The following SNX29 variants were observed in gnomAD, a reference collection of about 807,000 sequenced individuals.
The protein encoded by SNX29 is sorting nexin 29, also known as sorting nexin-29.
SNX29 carries 78 observed loss-of-function variants against 102.1 expected under a neutral mutation model. That is an observed-to-expected ratio of 0.76 (90% CI 0.64 to 0.92). The LOEUF is 0.92. SNX29 is among the 40% of genes least tolerant of loss of function. The pLI is 0.00. For synonymous variants in SNX29, 580 were observed against 414.5 expected, an observed-to-expected ratio of 1.40 and a Z score of -4.85; for missense variants, 1,280 against 1,061.7, an observed-to-expected ratio of 1.21 and a Z score of -2.86.
intron 19 of SNX29, among the ~76,000 whole-genome samples, chr16:12,505,103 C>A (rs1597645411): frequency 1.3e-5 from 2 of 152,064 alleles, no homozygotes; most frequent in African/African-American, 4.8e-5. Context: ...GACTCTGTCT[C>A]TACAAAAAAT....
chr16:12,035,335 T>C lies in SNX29; in HGVS notation c.248-7562T>C, dbSNP rs551713015. On this transcript the variant is annotated intron_variant, in intron 4 of 20. Transcript: ENST00000566228. Reference sequence around the variant, plus strand: ...CAAGCGATCCTCCTACTTCGGCCTCTCAAGTAGCTGGGACTGCACATGCAC... The same window carrying C: ...CAAGCGATCCTCCTACTTCGGCCTCCCAAGTAGCTGGGACTGCACATGCAC... 2.0e-5 allele frequency among the ~76,000 whole-genome samples: 3 copies of C among 151,756 alleles called. No homozygotes were observed. The East Asian group carries it at 5.9e-4, about 30-fold the overall frequency.
intron 13 of SNX29, among the ~76,000 whole-genome samples, chr16:12,182,414 T>G (rs537042621): frequency 1.1e-4 from 16 of 152,206 alleles, no homozygotes; most frequent in Admixed American, 9.2e-4. Flanking sequence ...TTACGGTGGA[T>G]TAGAGCTCAT....
intron 18 of SNX29, among the ~76,000 whole-genome samples, chr16:12,441,227 A>C (rs969349557): frequency 1.3e-5 from 2 of 151,166 alleles, no homozygotes; most frequent in African/African-American, 4.9e-5. Context: ...AGTTGGGACT[A>C]CAGGCGCCTG....
In SNX29 at chr16:12,510,699, G is replaced by A. The variant is rs183570891; in HGVS notation, c.2179-14003G>A. On this transcript the variant is annotated intron_variant, in intron 19 of 20. Coordinates refer to ENST00000566228, the MANE Select transcript of SNX29 (RefSeq NM_032167.5). ...AAAAAAAGAAAACAAAACAAAACAA[G>A]CATGAACTAGCCTTTTTCCTCCTCT... 7.2e-3 allele frequency among the ~76,000 whole-genome samples: 1,089 copies of A among 150,810 alleles called. 7 individuals are homozygous for A. The highest frequency in any genetic ancestry group is 0.037 in the South Asian group (177 of 4,734).
chr16:12,322,077 G>T (rs912829620), intron 15 of SNX29, among the ~76,000 whole-genome samples: 2 of 152,142 alleles, frequency 1.3e-5, no homozygotes, highest in Non-Finnish European at 2.9e-5. Flanking sequence ...GTCCTACCTG[G>T]TTCCCTTCAC....
At chr16:12,309,188 C>T (rs1271854476) in intron 15 of SNX29, among the ~76,000 whole-genome samples, 8 of 152,302 alleles carry the variant, frequency 5.3e-5, no homozygotes, top group Non-Finnish European at 1.0e-4. Flanking sequence ...CCTCTGCAAT[C>T]AGGGTCTGTT....
intron 19 of SNX29, among the ~76,000 whole-genome samples, chr16:12,517,462 G>T (rs1376215156): frequency 6.6e-6 from 1 of 152,296 alleles, no homozygotes; most frequent in East Asian, 1.9e-4. Context: ...CTGGCTTCCA[G>T]GCCAGTCTGT....
intron 14 of SNX29, among the ~76,000 whole-genome samples, chr16:12,262,998 A>G (rs2142519243): frequency 6.6e-6 from 1 of 152,346 alleles, no homozygotes; most frequent in East Asian, 1.9e-4. Context: ...CATGTGCAGA[A>G]TGGGAAGCCA....
At chr16:12,515,668 A>T (rs1042438747) in intron 19 of SNX29, 8 of 479,302 alleles carry the variant, frequency 1.7e-5, no homozygotes, top group Non-Finnish European at 3.3e-5. Flanking sequence ...CTGTGCCAGC[A>T]CTCTTTATGA....
At chr16:12,205,571 T>C (rs771892003) in intron 14 of SNX29, among the ~76,000 whole-genome samples, 4 of 151,896 alleles carry the variant, frequency 2.6e-5, no homozygotes, top group Non-Finnish European at 5.9e-5. Flanking sequence ...CCTCAGGCTC[T>C]TTGCACGTGC....
intron 20 of SNX29, among the ~76,000 whole-genome samples, chr16:12,550,948 TAAAGGTA>T (rs1353682485): frequency 6.6e-6 from 1 of 152,146 alleles, no homozygotes; most frequent in Admixed American, 6.5e-5. Context: ...AGTTGAATCA[TAAAGGTA>T]GAATGGGCTT....
intron 20 of SNX29, among the ~76,000 whole-genome samples, chr16:12,548,806 T>G (rs988981135): frequency 2.0e-5 from 3 of 151,788 alleles, no homozygotes; most frequent in African/African-American, 7.3e-5. Context: ...GCTGGGCTGT[T>G]GTTTTCCTAT....
chr16:12,419,314 C>T (rs1234928040), intron 18 of SNX29, among the ~76,000 whole-genome samples: 1 of 152,126 alleles, frequency 6.6e-6, no homozygotes, highest in Non-Finnish European at 1.5e-5. Context: ...ACCCGGCCTG[C>T]CCCTGTAATG....
At chr16:11,976,848 G>T in intron 1 of SNX29, 35 bp downstream of exon 1, 1 of 1,342,212 alleles carries the variant, frequency 7.5e-7, no homozygotes, top group Non-Finnish European at 9.5e-7. Context: ...ACCTGCCCCG[G>T]CCGCCCCGGC....
At chr16:12,349,776 C>CT (rs2081942588) in intron 15 of SNX29, among the ~76,000 whole-genome samples, 1 of 152,030 alleles carries the variant, frequency 6.6e-6, no homozygotes, top group South Asian at 2.1e-4. Flanking sequence ...TGCAGTTTGG[C>CT]TTTTTTTCAT....
chr16:12,007,240 C>T (rs1427607645), intron 3 of SNX29, among the ~76,000 whole-genome samples: 1 of 152,232 alleles, frequency 6.6e-6, no homozygotes, highest in Non-Finnish European at 1.5e-5. Flanking sequence ...TGCAGTGGCT[C>T]ACGCCTATAA....
chr16:12,554,803 A>G (rs543642927), intron 20 of SNX29, among the ~76,000 whole-genome samples: 9 of 152,254 alleles, frequency 5.9e-5, no homozygotes, highest in African/African-American at 2.2e-4. Flanking sequence ...TATTCTAGAA[A>G]TTTGTATTGA....
chr16:12,201,507 A>G (rs1039926928), intron 14 of SNX29, among the ~76,000 whole-genome samples: 2 of 152,204 alleles, frequency 1.3e-5, no homozygotes, highest in African/African-American at 4.8e-5. Context: ...AGGGGCTGGT[A>G]TATGTGTCTG....
At chr16:12,009,839 G>A (rs1440085059) in intron 3 of SNX29, among the ~76,000 whole-genome samples, 2 of 152,194 alleles carry the variant, frequency 1.3e-5, no homozygotes, top group Admixed American at 1.3e-4. Flanking sequence ...CAGGAGCTTT[G>A]TAGGCCCTAG....
Sources: allele counts gnomAD v4.1 joint callset (sites outside exome capture counted in the v4.1 genomes callset), GRCh38; gene constraint gnomAD v4.1.1; transcripts MANE v1.5; gene names NCBI Gene and HGNC (gene_info 2026-07-23, HGNC 2026-07-21).